Variants in KALRN observed in about 807,000 individuals in gnomAD.
The protein encoded by KALRN is kalirin RhoGEF kinase.
Under a neutral mutation model 353.7 loss-of-function variants are expected in KALRN, and 70 were observed. The ratio of observed to expected loss-of-function variants is 0.20; its 90% CI spans 0.16 to 0.24. The LOEUF is 0.24. Ranked by LOEUF, KALRN falls within the 10% of genes least tolerant of loss-of-function variation. The probability of loss-of-function intolerance (pLI) is 1.00; values close to 1 mark genes in which losing one functional copy is unlikely to be tolerated. For synonymous variants in KALRN, 1,391 were observed against 1,434.8 expected, an observed-to-expected ratio of 0.97 and a Z score of 0.69; for missense variants, 2,791 against 3,756.7, an observed-to-expected ratio of 0.74 and a Z score of 6.72.
chr3:124,166,921 T>C (rs1433606564), intron 1 of KALRN, among the ~76,000 whole-genome samples: 1 of 152,052 alleles, frequency 6.6e-6, no homozygotes, highest in Non-Finnish European at 1.5e-5. Flanking sequence ...GGTATGTGCC[T>C]GTAATCCCAG....
intron 37 of KALRN, among the ~76,000 whole-genome samples, chr3:124,647,327 C>G (rs993803874): frequency 6.6e-6 from 1 of 152,164 alleles, no homozygotes; most frequent in Non-Finnish European, 1.5e-5. Context: ...CACCCAGACT[C>G]ACAAAACACA....
At chr3:124,374,638 AG>A (rs906100569) in intron 10 of KALRN, among the ~76,000 whole-genome samples, 1 of 152,188 alleles carries the variant, frequency 6.6e-6, no homozygotes, top group Non-Finnish European at 1.5e-5. Flanking sequence ...GGAACAGGAG[AG>A]AAAAATAAAT....
intron 10 of KALRN, among the ~76,000 whole-genome samples, chr3:124,366,452 T>C (rs1169916689): frequency 6.7e-6 from 1 of 149,762 alleles, no homozygotes; most frequent in East Asian, 2.0e-4. Flanking sequence ...AAAGCACATC[T>C]TGCACCACCC....
At chr3:124,282,274 T>A (rs2075411730) in intron 5 of KALRN, among the ~76,000 whole-genome samples, 1 of 152,316 alleles carries the variant, frequency 6.6e-6, no homozygotes. Flanking sequence ...GAAATTTTAA[T>A]TTTAATTTGT....
At chr3:124,696,020 C>T in intron 53 of KALRN, 114 bp from the exon 54 acceptor site, 1 of 1,065,456 alleles carries the variant, frequency 9.4e-7, no homozygotes, top group Non-Finnish European at 1.4e-6. Flanking sequence ...AGGGACTGAC[C>T]TCGGGCCTGA....
chr3:124,120,375 C>A (rs1259858748), intron 1 of KALRN, among the ~76,000 whole-genome samples: 1 of 152,164 alleles, frequency 6.6e-6, no homozygotes, highest in Non-Finnish European at 1.5e-5. Flanking sequence ...TTAGGTAAAT[C>A]CCCACAGATG....
rs1204619254 is a variant in KALRN, at chr3:124,597,069, CACAAACAAA to C, written c.5182+33986_5182+33994del. ...TCTTAAAAAAAAACAAAAACAAAAA[CACAAACAAA>C]ACAAAACAACAAAAATAAGTACATA... On this transcript the variant is annotated intron_variant, in intron 34 of 59. Coordinates refer to ENST00000682506, the MANE Select transcript of KALRN (RefSeq NM_001388419.1). 5.9e-5 allele frequency among the ~76,000 whole-genome samples: 9 copies of C among 151,612 alleles called. No homozygotes were observed. In the East Asian group the frequency reaches 1.6e-3, roughly 26 times the overall value.
At chr3:124,277,860 A>G (rs143534069) in intron 5 of KALRN, among the ~76,000 whole-genome samples, 175 of 152,300 alleles carry the variant, frequency 1.1e-3, no homozygotes, top group African/African-American at 4.1e-3. Flanking sequence ...AGAACTGTGG[A>G]CCCCTTAGTG....
At chr3:124,556,749 C>A (rs1434815708) in intron 33 of KALRN, among the ~76,000 whole-genome samples, 1 of 152,158 alleles carries the variant, frequency 6.6e-6, no homozygotes, top group Non-Finnish European at 1.5e-5. Context: ...TATAAAGCAG[C>A]ACTTATGTGA....
chr3:124,061,390 C>T (rs2041983491), intron 1 of KALRN, among the ~76,000 whole-genome samples: 1 of 152,184 alleles, frequency 6.6e-6, no homozygotes, highest in Non-Finnish European at 1.5e-5. Context: ...AATCCCACAA[C>T]ATGTCAGTGA....
chr3:124,432,257 A>G (rs2093305836), intron 16 of KALRN, among the ~76,000 whole-genome samples: 1 of 151,966 alleles, frequency 6.6e-6, no homozygotes, highest in African/African-American at 2.4e-5. Flanking sequence ...GAAAATACAA[A>G]AAAAAAAGTA....
At chr3:124,518,994 T>A in intron 33 of KALRN, 3 of 988,646 alleles carry the variant, frequency 3.0e-6, no homozygotes, top group Non-Finnish European at 3.6e-6. Context: ...TGATGTGTGG[T>A]AGAGAAGATG....
chr3:124,292,317 G>A (rs1188574248), intron 5 of KALRN, among the ~76,000 whole-genome samples: 1 of 152,138 alleles, frequency 6.6e-6, no homozygotes, highest in Admixed American at 6.5e-5. Flanking sequence ...TCTATATTCA[G>A]GATAAGCTAA....
chr3:124,352,576 G>T (rs968794960), intron 10 of KALRN, among the ~76,000 whole-genome samples: 6 of 152,032 alleles, frequency 3.9e-5, no homozygotes, highest in Non-Finnish European at 5.9e-5. Context: ...ACAATTTAAA[G>T]AAAGACTTAA....
At chr3:124,323,349 A>C (rs1560563211) in intron 6 of KALRN, among the ~76,000 whole-genome samples, 1 of 152,162 alleles carries the variant, frequency 6.6e-6, no homozygotes, top group Non-Finnish European at 1.5e-5. Context: ...ATTTTGCCTT[A>C]AATTACCGTT....
chr3:124,382,103 C>T lies in KALRN; in HGVS notation c.1771-2742C>T, dbSNP rs968052761. On this transcript the variant is annotated intron_variant, in intron 10 of 59. Transcript: ENST00000682506. ...ACTTACTGGCCATGTGACTTTGGCC[C>T]GAAATTCTTTGTACCTCAGTTTCTT... Among the ~76,000 whole-genome samples the T allele has an allele frequency of 3.9e-5, 6 of 152,182 alleles. No individual in the cohort carries two copies. The South Asian group carries it at 6.2e-4, about 16-fold the overall frequency.
chr3:124,310,616 G>A (rs1289054331), intron 6 of KALRN, among the ~76,000 whole-genome samples: 1 of 152,204 alleles, frequency 6.6e-6, no homozygotes, highest in Non-Finnish European at 1.5e-5. Flanking sequence ...CCATGTGTCT[G>A]TGGTCAACAT....
intron 1 of KALRN, among the ~76,000 whole-genome samples, chr3:124,113,246 C>T (rs1295057916): frequency 6.6e-6 from 1 of 152,150 alleles, no homozygotes; most frequent in East Asian, 1.9e-4. Context: ...CAATAATATC[C>T]TATGTTTACC....
intron 10 of KALRN, among the ~76,000 whole-genome samples, chr3:124,384,210 T>C (rs2149930431): frequency 6.6e-6 from 1 of 152,272 alleles, no homozygotes; most frequent in African/African-American, 2.4e-5. Flanking sequence ...CAGTAGCTTA[T>C]GATAAACAAA....
Sources: gnomAD v4.1 joint callset for allele counts (sites outside exome capture counted in the v4.1 genomes callset) on GRCh38, gnomAD v4.1.1 for gene constraint, MANE v1.5 for transcripts, NCBI Gene and HGNC (gene_info 2026-07-23, HGNC 2026-07-21) for gene names.